PLD1: variants seen among roughly 807,000 people sequenced by gnomAD.
PLD1 encodes the protein choline phosphatase 1.
Under a neutral mutation model 137.1 loss-of-function variants are expected in PLD1, and 112 were observed. That is an observed-to-expected ratio of 0.82 (90% CI 0.70 to 0.96). PLD1 has a LOEUF of 0.96. Ranked by LOEUF, PLD1 falls within the 40% of genes least tolerant of loss-of-function variation. The pLI is 0.00. For synonymous variants in PLD1, 431 were observed against 454.7 expected, an observed-to-expected ratio of 0.95 and a Z score of 0.66; for missense variants, 1,321 against 1,342.0, an observed-to-expected ratio of 0.98 and a Z score of 0.24.
chr3:171,730,477 T>A (rs1718850355), intron 6 of PLD1, among the ~76,000 whole-genome samples: 1 of 150,554 alleles, frequency 6.6e-6, no homozygotes, highest in Non-Finnish European at 1.5e-5. Flanking sequence ...GGAGAGAAGG[T>A]CTGAGCACAA....
chr3:171,644,887 T>C (rs778727060), intron 22 of PLD1, 23 bp downstream of exon 22: 10 of 1,423,038 alleles, frequency 7.0e-6, no homozygotes, highest in East Asian at 4.5e-5. Flanking sequence ...AAGCTCAAAA[T>C]AGACCATTTA....
intron 1 of PLD1, among the ~76,000 whole-genome samples, chr3:171,796,226 G>A (rs1482400331): frequency 1.3e-5 from 2 of 152,224 alleles, no homozygotes; most frequent in Non-Finnish European, 2.9e-5. Context: ...GGGAAAGACA[G>A]AGTTGTGTAT....
intron 23 of PLD1, among the ~76,000 whole-genome samples, chr3:171,641,930 C>T (rs951014031): frequency 4.6e-5 from 7 of 152,092 alleles, no homozygotes; most frequent in African/African-American, 1.4e-4. Context: ...TGGCTGTCCA[C>T]GTTTTCACAA....
At chr3:171,644,701 T>A (rs1736044007) in intron 22 of PLD1, among the ~76,000 whole-genome samples, 1 of 152,246 alleles carries the variant, frequency 6.6e-6, no homozygotes, top group Non-Finnish European at 1.5e-5. Context: ...TCTTTTATGT[T>A]TGCCATGTGT....
At chr3:171,756,791 A>G (rs979055893) in intron 1 of PLD1, among the ~76,000 whole-genome samples, 1 of 152,210 alleles carries the variant, frequency 6.6e-6, no homozygotes, top group Admixed American at 6.5e-5. Flanking sequence ...ATACAGAGGA[A>G]CTAAAGCATA....
intron 1 of PLD1, among the ~76,000 whole-genome samples, chr3:171,801,319 A>C (rs1723636344): frequency 6.6e-6 from 1 of 152,278 alleles, no homozygotes; most frequent in South Asian, 2.1e-4. Flanking sequence ...CCTTCCAGGC[A>C]ATGGATCTGC....
At chr3:171,735,152 T>C (rs1313765942) in intron 4 of PLD1, among the ~76,000 whole-genome samples, 182 bp from the exon 5 acceptor site, 2 of 152,204 alleles carry the variant, frequency 1.3e-5, no homozygotes, top group South Asian at 2.1e-4. Flanking sequence ...ATTTTAAAGA[T>C]TGGATGTACT....
At chr3:171,649,555 G>A (rs1349870025) in intron 21 of PLD1, among the ~76,000 whole-genome samples, 1 of 152,162 alleles carries the variant, frequency 6.6e-6, no homozygotes, top group Non-Finnish European at 1.5e-5. Flanking sequence ...TCACAACATG[G>A]GGGTTGTGGA....
rs1224868844 is a variant in PLD1, at chr3:171,605,429, T to G, written c.2883-13A>C. ...GCCAAGGACAACCCTGAAATACAAG[T>G]GACCTCCACATTGAGTAACTGAGAT... On this transcript the variant is annotated splice_polypyrimidine_tract_variant and intron_variant, in intron 25 of 26. Transcript: ENST00000351298. The G allele has an allele frequency of 2.1e-6, 3 of 1,459,522 alleles. No homozygotes were observed. In the South Asian group the frequency reaches 3.4e-5, roughly 17 times the overall value. 90.4% of individuals were successfully genotyped at this position (1,459,522 alleles called of 1,614,324 possible).
At chr3:171,710,381 A>G (rs867973652) in intron 9 of PLD1, among the ~76,000 whole-genome samples, 1 of 152,058 alleles carries the variant, frequency 6.6e-6, no homozygotes, top group Non-Finnish European at 1.5e-5. Context: ...AGGCTTGTGG[A>G]AGGCAATTTT....
chr3:171,773,139 T>A (rs1722453602), intron 1 of PLD1, among the ~76,000 whole-genome samples: 1 of 152,240 alleles, frequency 6.6e-6, no homozygotes, highest in South Asian at 2.1e-4. Context: ...TTGCCACATA[T>A]AAATTAATTC....
intron 13 of PLD1, among the ~76,000 whole-genome samples, chr3:171,690,341 T>G: frequency 6.6e-6 from 1 of 152,180 alleles, no homozygotes; most frequent in Non-Finnish European, 1.5e-5. Context: ...TATTTTTCTA[T>G]CCTCTGGTTT....
At chr3:171,623,181 T>C (rs1189149157) in intron 23 of PLD1, among the ~76,000 whole-genome samples, 2 of 151,988 alleles carry the variant, frequency 1.3e-5, no homozygotes, top group African/African-American at 4.8e-5. Flanking sequence ...TAATATAAGG[T>C]AATGTAATGG....
At chr3:171,618,858 CGT>C (rs139135798) in intron 24 of PLD1, among the ~76,000 whole-genome samples, 12 of 135,494 alleles carry the variant, frequency 8.9e-5, no homozygotes, top group South Asian at 2.5e-4. Flanking sequence ...AGTGTGTGTG[CGT>C]GTGTGTGTGT....
intron 11 of PLD1, among the ~76,000 whole-genome samples, chr3:171,705,200 A>G (rs1716585401): frequency 6.6e-6 from 1 of 152,242 alleles, no homozygotes; most frequent in Admixed American, 6.5e-5. Flanking sequence ...CTGAAGACTC[A>G]GAAGGAGGAG....
Position 171,709,629 on chromosome 3 carries a change from C to G in PLD1, c.992G>C (p.Gly331Ala). The G allele has an allele frequency of 6.2e-7, 1 of 1,613,926 alleles. No homozygotes were observed. The change falls in exon 10 of 27, where the codon GGC (glycine) becomes GCC (alanine). Residue 331 changes from glycine to alanine, a missense_variant. Physicochemically the swap from Gly to Ala is moderately conservative, Grantham distance 60. Transcript: ENST00000351298. ...GAIEEFIQKHGTNFLKDHRFG... is the reference protein window; with the variant it reads ...GAIEEFIQKHATNFLKDHRFG... ...TCGATGATCTTTGAGAAAGTTGGTG[C>G]CATGTTTCTGGATGAATTCTTCTAT...
In PLD1 at chr3:171,688,844, G is replaced by A. The variant is rs776537976; in HGVS notation, c.1371C>T (p.Thr457=). The part of the protein sequence containing the change: ...VMRHPDHVSS[T]VYLWAHHEKL... Reference sequence around the variant, plus strand: ...TCTCATGGTGAGCCCACAAATAGACGGTGGATGACACATGATCCGGGTGTC... The same window carrying A: ...TCTCATGGTGAGCCCACAAATAGACAGTGGATGACACATGATCCGGGTGTC... Residue 457 remains threonine (T), a synonymous_variant, in exon 14 of 27, where the codon ACC becomes ACT. Transcript: ENST00000351298. The A allele has an allele frequency of 9.9e-6, 16 of 1,613,804 alleles. No homozygotes were observed. Among genetic ancestry groups the A allele is most frequent in the Middle Eastern group, 1.6e-4 (1 of 6,076 alleles).
intron 12 of PLD1, among the ~76,000 whole-genome samples, chr3:171,697,430 A>G (rs1024922875): frequency 4.6e-5 from 7 of 151,732 alleles, no homozygotes; most frequent in Admixed American, 4.6e-4. Context: ...TATTTTTAGT[A>G]GAGACGGGGT....
In PLD1 at chr3:171,810,478, C is replaced by G. The variant is rs537892142; in HGVS notation, c.-111G>C. ...TCGGGTGCCTCTGGCACAGCTGGAGCTCAGCGGGAGGGAGGGAGAGAGGGC... is the reference window on the plus strand; with the variant it reads ...TCGGGTGCCTCTGGCACAGCTGGAGGTCAGCGGGAGGGAGGGAGAGAGGGC... On this transcript the variant is annotated 5_prime_UTR_variant, in exon 1 of 27. Transcript: ENST00000351298. 2.6e-3 allele frequency: 383 copies of G among 149,756 alleles called. 1 individual carries two copies. Among genetic ancestry groups the G allele is most frequent in the African/African-American group, 9.1e-3 (364 of 39,920 alleles). 9.3% of individuals were successfully genotyped at this position (149,756 alleles called of 1,614,324 possible). A position where few individuals can be genotyped will look rare whatever the true frequency, so the allele number is the denominator to read the frequency against.
Sources: allele counts gnomAD v4.1 joint callset (sites outside exome capture counted in the v4.1 genomes callset), GRCh38; gene constraint gnomAD v4.1.1; transcripts MANE v1.5; gene names NCBI Gene and HGNC (gene_info 2026-07-23, HGNC 2026-07-21).